The following ENPP6 variants were observed in gnomAD, a reference collection of about 807,000 sequenced individuals.
ENPP6 encodes the protein ectonucleotide pyrophosphatase/phosphodiesterase 6.
Under a neutral mutation model 42.0 loss-of-function variants are expected in ENPP6, and 32 were observed. The observed-to-expected ratio is 0.76, with a 90% CI of 0.58 to 1.02. The LOEUF is 1.02. Ranked by LOEUF, ENPP6 falls within the 50% of genes least tolerant of loss-of-function variation. The pLI is 0.00. For missense variants in ENPP6, 552 were observed against 566.8 expected, an observed-to-expected ratio of 0.97 and a Z score of 0.27; for synonymous variants, 213 against 216.0, an observed-to-expected ratio of 0.99 and a Z score of 0.12.
intron 2 of ENPP6, among the ~76,000 whole-genome samples, chr4:184,143,117 C>G (rs765667018): frequency 6.6e-6 from 1 of 152,232 alleles, no homozygotes; most frequent in Non-Finnish European, 1.5e-5. Flanking sequence ...TCTCCTTCTC[C>G]GAGGAGCTGG....
intron 1 of ENPP6, among the ~76,000 whole-genome samples, chr4:184,207,235 G>A (rs1340503355): frequency 1.3e-5 from 2 of 152,200 alleles, no homozygotes; most frequent in Non-Finnish European, 2.9e-5. Context: ...ATTCTAGACT[G>A]GCTTCCCCGC....
At chr4:184,201,327 C>A (rs1489433313) in intron 1 of ENPP6, among the ~76,000 whole-genome samples, 1 of 152,072 alleles carries the variant, frequency 6.6e-6, no homozygotes, top group Non-Finnish European at 1.5e-5. Flanking sequence ...TGAGCAGGAA[C>A]TGGAGCTGCA....
chr4:184,130,565 AC>A (rs1273793797), intron 2 of ENPP6, among the ~76,000 whole-genome samples: 3,683 of 127,038 alleles, frequency 0.029, 894 homozygotes, highest in Non-Finnish European at 0.045. Context: ...ATCAAACAAA[AC>A]AAAACAAAAA....
In ENPP6 at chr4:184,156,787, C is replaced by T. The variant is rs79265620; in HGVS notation, c.242-3054G>A. Among the ~76,000 whole-genome samples, 463 of 152,312 alleles carry T rather than the reference C, an allele frequency of 3.0e-3. 4 individuals are homozygous for T. The highest frequency in any genetic ancestry group is 3.1e-3 in the Non-Finnish European group (214 of 68,030). On this transcript the variant is annotated intron_variant, in intron 1 of 7. Coordinates refer to ENST00000296741, the MANE Select transcript of ENPP6 (RefSeq NM_153343.4). ...TGAAGGGGGTGGGATATGACACCTTCGGTGTTCATTCCACAGAGTCTTACT... is the reference window on the plus strand; with the variant it reads ...TGAAGGGGGTGGGATATGACACCTTTGGTGTTCATTCCACAGAGTCTTACT...
chr4:184,098,307 C>T (rs77751208), intron 6 of ENPP6, among the ~76,000 whole-genome samples: 3,930 of 152,206 alleles, frequency 0.026, 109 homozygotes, highest in Admixed American at 0.084. Flanking sequence ...CCTGTGAGGC[C>T]CACTCTAACT....
In ENPP6 at chr4:184,215,895, C is replaced by T. The variant is rs115058318; in HGVS notation, c.241+1684G>A. On this transcript the variant is annotated intron_variant, in intron 1 of 7. Transcript: ENST00000296741. ...GAAAAGAAGGTGTGTCTCAGCATGACGGAGGCTGTGTGCAAATTATTCCTT... is the reference window on the plus strand; with the variant it reads ...GAAAAGAAGGTGTGTCTCAGCATGATGGAGGCTGTGTGCAAATTATTCCTT... Among the ~76,000 whole-genome samples, 386 of 152,272 alleles carry T rather than the reference C, an allele frequency of 2.5e-3. 3 individuals carry two copies. Among genetic ancestry groups the T allele is most frequent in the African/African-American group, 9.0e-3 (373 of 41,536 alleles).
Position 184,124,267 on chromosome 4 carries a change from C to A in ENPP6, c.427G>T (p.Glu143Ter). 6.2e-7 allele frequency: 1 copy of A among 1,612,564 alleles called. No homozygotes were observed. The highest frequency in any genetic ancestry group is 8.5e-7 in the Non-Finnish European group (1 of 1,178,970). Residue 143 changes from glutamate (E) to a stop codon, truncating the protein, a stop_gained, in exon 3 of 8, where the codon GAG (glutamate) becomes TAG (stop). Coordinates refer to ENST00000296741, the MANE Select transcript of ENPP6 (RefSeq NM_153343.4). LOFTEE classifies it high-confidence loss of function. ...KVYMYYWPGC[E>*]VEILGVRPTY... Reference sequence around the variant, plus strand: ...GGTCTGACACCCAGAATCTCAACCTCACAGCCTGAGAAGGAAAAAGATGGC... The same window carrying A: ...GGTCTGACACCCAGAATCTCAACCTAACAGCCTGAGAAGGAAAAAGATGGC...
In ENPP6 at chr4:184,124,372, A is replaced by G. The variant is rs193072967; in HGVS notation, c.422-100T>C. 1.6e-5 allele frequency: 13 copies of G among 837,722 alleles called. No individual in the cohort carries two copies. The African/African-American group carries it at 1.7e-4, about 11-fold the overall frequency. The allele number at this position is 837,722 out of a possible 1,614,324, so 51.9% of individuals were successfully genotyped here. ...CAAACACCATTAGTCAAAATCAAAA[A>G]TAAAAATGTTGAGTATTTTTATGAA... On this transcript the variant is annotated intron_variant, in intron 2 of 7. Coordinates refer to ENST00000296741, the MANE Select transcript of ENPP6 (RefSeq NM_153343.4).
intron 6 of ENPP6, among the ~76,000 whole-genome samples, chr4:184,108,449 G>A (rs1736140520): frequency 6.6e-6 from 1 of 152,180 alleles, no homozygotes; most frequent in Non-Finnish European, 1.5e-5. Context: ...TTGGCACAAC[G>A]CAGAAACGAG....
intron 2 of ENPP6, among the ~76,000 whole-genome samples, chr4:184,132,172 A>G (rs1736648419): frequency 6.6e-6 from 1 of 151,774 alleles, no homozygotes; most frequent in Non-Finnish European, 1.5e-5. Context: ...TCAACTGGAA[A>G]CCCCCAACAG....
rs911463628 is a variant in ENPP6 at position 184,096,212 on chromosome 4, A to ATG, written c.1117+1031_1117+1032dup. Reference sequence around the variant, plus strand: ...GATTTTGTGGAAAGTAGAGTGAACGATGGTAGGCTGAATGAGGGATGCTGG... The same window carrying ATG: ...GATTTTGTGGAAAGTAGAGTGAACGATGTGGTAGGCTGAATGAGGGATGCTGG... On this transcript the variant is annotated intron_variant, in intron 7 of 7. Coordinates refer to ENST00000296741, the MANE Select transcript of ENPP6 (RefSeq NM_153343.4). 6.4e-4 allele frequency among the ~76,000 whole-genome samples: 98 copies of ATG among 152,354 alleles called. 2 individuals carry two copies. Among genetic ancestry groups the ATG allele is most frequent in the Admixed American group, 6.3e-3 (97 of 15,312 alleles).
At chr4:184,108,775 G>T (rs1309319808) in intron 6 of ENPP6, among the ~76,000 whole-genome samples, 1 of 152,198 alleles carries the variant, frequency 6.6e-6, no homozygotes, top group Non-Finnish European at 1.5e-5. Flanking sequence ...ACGATTATGA[G>T]TTTCCAGAGA....
At chr4:184,124,043 C>T in intron 3 of ENPP6, 118 bp downstream of exon 3, 1 of 750,746 alleles carries the variant, frequency 1.3e-6, no homozygotes, top group Admixed American at 2.6e-5. Context: ...ATGCAAGACT[C>T]TCACCAACTC....
chr4:184,208,814 T>G (rs1262932278), intron 1 of ENPP6, among the ~76,000 whole-genome samples: 1 of 142,616 alleles, frequency 7.0e-6, no homozygotes, highest in East Asian at 2.0e-4. Flanking sequence ...AAGACAGCAG[T>G]AACCTCTGCA....
At chr4:184,193,740 A>G (rs1343733254) in intron 1 of ENPP6, among the ~76,000 whole-genome samples, 1 of 152,226 alleles carries the variant, frequency 6.6e-6, no homozygotes, top group African/African-American at 2.4e-5. Flanking sequence ...TACATTCTCC[A>G]GATTCCCAGC....
At chr4:184,099,214 C>T (rs1249975506) in intron 6 of ENPP6, among the ~76,000 whole-genome samples, 1 of 152,262 alleles carries the variant, frequency 6.6e-6, no homozygotes, top group East Asian at 1.9e-4. Flanking sequence ...GAGGTCACTG[C>T]AGTGCTCCTG....
chr4:184,159,527 AG>A (rs1419533747), intron 1 of ENPP6, among the ~76,000 whole-genome samples: 1 of 152,260 alleles, frequency 6.6e-6, no homozygotes, highest in Non-Finnish European at 1.5e-5. Flanking sequence ...AGGACTAGCA[AG>A]GAAGTTTATA....
chr4:184,117,637 C>A (rs1736341947), intron 4 of ENPP6, 122 bp downstream of exon 4: 1 of 1,436,532 alleles, frequency 7.0e-7, no homozygotes, highest in Non-Finnish European at 9.5e-7. Flanking sequence ...CTCGTCAAAG[C>A]CTGTGCTGGC....
chr4:184,091,188 G>T lies in ENPP6; in HGVS notation c.1312C>A (p.Leu438Met). ...AGCAATATGATCAGTTATGCAAGCA[G>T]GAAGAGAAGAATCAGTGCCAGGGCA... ...HCALALILLF[L>M]LA Residue 438 changes from leucine to methionine, a missense_variant, in exon 8 of 8, where the codon CTG becomes ATG. By Grantham distance (15) the Leu-to-Met change is conservative. Transcript: ENST00000296741. 1.3e-6 allele frequency: 2 copies of T among 1,559,572 alleles called. No individual in the cohort carries two copies. Among genetic ancestry groups the T allele is most frequent in the African/African-American group, 2.7e-5 (2 of 73,214 alleles).
Sources: gnomAD v4.1 joint callset for allele counts (sites outside exome capture counted in the v4.1 genomes callset) on GRCh38, gnomAD v4.1.1 for gene constraint, MANE v1.5 for transcripts, NCBI Gene and HGNC (gene_info 2026-07-23, HGNC 2026-07-21) for gene names.